The following ATRNL1 variants were observed in gnomAD, a reference collection of about 807,000 sequenced individuals.
ATRNL1 encodes the protein attractin like 1, also known as attractin-like protein 1.
Under a neutral mutation model 182.7 loss-of-function variants are expected in ATRNL1, and 95 were observed. The observed-to-expected ratio is 0.52, with a 90% CI of 0.44 to 0.62. The LOEUF (loss-of-function observed/expected upper bound fraction) is 0.62, where lower values mean the gene tolerates loss of function less well. ATRNL1 is among the 20% of genes least tolerant of loss of function. The pLI is 0.00. For synonymous variants in ATRNL1, 576 were observed against 568.3 expected, an observed-to-expected ratio of 1.01 and a Z score of -0.19; for missense variants, 1,471 against 1,679.5, an observed-to-expected ratio of 0.88 and a Z score of 2.17.
chr10:115,422,305 C>T (rs145154207), intron 20 of ATRNL1, among the ~76,000 whole-genome samples: 132 of 152,212 alleles, frequency 8.7e-4, no homozygotes, highest in African/African-American at 3.0e-3. Flanking sequence ...CCACAAGGAT[C>T]TAATATCTAG....
intron 19 of ATRNL1, among the ~76,000 whole-genome samples, chr10:115,378,901 AC>A (rs1156877489): frequency 1.3e-5 from 2 of 152,228 alleles, no homozygotes; most frequent in Non-Finnish European, 2.9e-5. Context: ...AGGGGTTGTT[AC>A]AAGTATATGA....
chr10:115,145,940 T>G (rs1324404366), intron 5 of ATRNL1, among the ~76,000 whole-genome samples: 2 of 152,168 alleles, frequency 1.3e-5, no homozygotes, highest in African/African-American at 4.8e-5. Context: ...TTCTACATAT[T>G]TTTTCAATAC....
At chr10:115,450,924 A>G (rs1478085472) in intron 21 of ATRNL1, among the ~76,000 whole-genome samples, 1 of 152,168 alleles carries the variant, frequency 6.6e-6, no homozygotes, top group Admixed American at 6.5e-5. Flanking sequence ...GTACAAAAAC[A>G]GGCACATAGA....
chr10:115,549,495 T>C lies in ATRNL1; in HGVS notation c.3754T>C (p.Trp1252Arg), dbSNP rs1259705266. 1 of 1,604,240 alleles carries C rather than the reference T, an allele frequency of 6.2e-7. No individual in the cohort carries two copies. The highest frequency in any genetic ancestry group is 8.5e-7 in the Non-Finnish European group (1 of 1,174,706). Residue 1252 changes from tryptophan (W) to arginine (R), a missense_variant, in exon 26 of 29, where the codon TGG becomes CGG. Transcript: ENST00000355044. ...CTTATTGCTGGTGGCTGCTGTGGTATGGAAGATCAAACAAACTTGTTGGGC... is the reference window on the plus strand; with the variant it reads ...CTTATTGCTGGTGGCTGCTGTGGTACGGAAGATCAAACAAACTTGTTGGGC... Reference protein sequence around the residue: ...LSLLLVAAVVWKIKQTCWASR... With the variant: ...LSLLLVAAVVRKIKQTCWASR...
At chr10:115,691,003 A>T (rs1946377629) in intron 26 of ATRNL1, among the ~76,000 whole-genome samples, 1 of 152,056 alleles carries the variant, frequency 6.6e-6, no homozygotes, top group African/African-American at 2.4e-5. Context: ...GCTGCTGGGT[A>T]CCTTTTCCTT....
At chr10:115,572,661 G>A (rs1185289556) in intron 26 of ATRNL1, among the ~76,000 whole-genome samples, 1 of 152,212 alleles carries the variant, frequency 6.6e-6, no homozygotes, top group Non-Finnish European at 1.5e-5. Flanking sequence ...GGATATACAA[G>A]TCTGAGATTC....
intron 26 of ATRNL1, among the ~76,000 whole-genome samples, chr10:115,648,635 C>A (rs1859786210): frequency 6.6e-6 from 1 of 152,084 alleles, no homozygotes; most frequent in Non-Finnish European, 1.5e-5. Context: ...GAACAGAGCC[C>A]TCAGAGATAT....
chr10:115,396,436 T>G (rs187969685), intron 20 of ATRNL1, among the ~76,000 whole-genome samples: 4 of 152,122 alleles, frequency 2.6e-5, no homozygotes, highest in Admixed American at 6.6e-5. Context: ...CTTGGTTTAG[T>G]GCTCTGCTAT....
intron 26 of ATRNL1, among the ~76,000 whole-genome samples, chr10:115,597,111 A>G (rs1856293576): frequency 6.6e-6 from 1 of 152,186 alleles, no homozygotes; most frequent in Non-Finnish European, 1.5e-5. Context: ...CATTTTGATT[A>G]TATTTACTCC....
chr10:115,635,048 A>G (rs988340699), intron 26 of ATRNL1, among the ~76,000 whole-genome samples: 5 of 152,140 alleles, frequency 3.3e-5, no homozygotes, highest in African/African-American at 4.8e-5. Flanking sequence ...AAAACAAAAT[A>G]TTTATTAACA....
At chr10:115,829,665 T>G (rs1214202716) in intron 27 of ATRNL1, among the ~76,000 whole-genome samples, 1 of 152,190 alleles carries the variant, frequency 6.6e-6, no homozygotes, top group African/African-American at 2.4e-5. Context: ...CTCTGTCTTA[T>G]GCCACCAAGG....
At chr10:115,707,813 T>C (rs1555053448) in intron 26 of ATRNL1, among the ~76,000 whole-genome samples, 1 of 151,726 alleles carries the variant, frequency 6.6e-6, no homozygotes, top group Non-Finnish European at 1.5e-5. Flanking sequence ...ATCTTGCTTA[T>C]ATCTCTCATT....
chr10:115,276,867 G>A (rs921576455), intron 13 of ATRNL1, among the ~76,000 whole-genome samples: 45 of 152,070 alleles, frequency 3.0e-4, no homozygotes, highest in African/African-American at 9.6e-4. Flanking sequence ...TTCATTTTTT[G>A]TACTTGTTTA....
At chr10:115,801,679 G>A (rs781835198) in intron 27 of ATRNL1, among the ~76,000 whole-genome samples, 1 of 152,088 alleles carries the variant, frequency 6.6e-6, no homozygotes, top group Non-Finnish European at 1.5e-5. Flanking sequence ...CTTTTTAGCT[G>A]TCTTTGTTAA....
intron 26 of ATRNL1, among the ~76,000 whole-genome samples, chr10:115,687,515 T>G (rs1463761035): frequency 6.6e-6 from 1 of 152,064 alleles, no homozygotes; most frequent in African/African-American, 2.4e-5. Flanking sequence ...CCGTTCAAAT[T>G]TAATGGACAT....
intron 28 of ATRNL1, among the ~76,000 whole-genome samples, chr10:115,925,369 A>C (rs998589139): frequency 1.3e-5 from 2 of 152,158 alleles, no homozygotes; most frequent in Non-Finnish European, 2.9e-5. Context: ...CAAAATAACC[A>C]GATAGCATCA....
At chr10:115,190,966 G>A (rs1554889728) in intron 8 of ATRNL1, among the ~76,000 whole-genome samples, 3 of 152,020 alleles carry the variant, frequency 2.0e-5, no homozygotes, top group Non-Finnish European at 1.5e-5. Flanking sequence ...GTGAGAATAC[G>A]TGATATTTGT....
chr10:115,442,641 C>T (rs1846754172), intron 21 of ATRNL1, among the ~76,000 whole-genome samples: 1 of 152,030 alleles, frequency 6.6e-6, no homozygotes, highest in Non-Finnish European at 1.5e-5. Context: ...TCTACAGAAA[C>T]AGGCTGTGGA....
intron 24 of ATRNL1, among the ~76,000 whole-genome samples, chr10:115,470,028 G>C (rs1202453023): frequency 1.3e-5 from 2 of 150,422 alleles, no homozygotes; most frequent in Non-Finnish European, 3.0e-5. Context: ...TATTCGAATA[G>C]CTTATATATA....
Sources: gnomAD v4.1 joint callset for allele counts (sites outside exome capture counted in the v4.1 genomes callset) on GRCh38, gnomAD v4.1.1 for gene constraint, MANE v1.5 for transcripts, NCBI Gene and HGNC (gene_info 2026-07-23, HGNC 2026-07-21) for gene names.